NLGN4Y: variants seen among roughly 807,000 people sequenced by gnomAD.
The protein encoded by NLGN4Y is neuroligin-4, Y-linked.
Under a neutral mutation model 8.4 loss-of-function variants are expected in NLGN4Y, and 4 were observed. The ratio of observed to expected loss-of-function variants is 0.48; its 90% CI spans 0.23 to 1.09. The LOEUF is 1.09. Ranked by LOEUF, NLGN4Y falls within the 50% of genes least tolerant of loss-of-function variation. The pLI is 0.19. For synonymous variants in NLGN4Y, 35 were observed against 75.6 expected, an observed-to-expected ratio of 0.46 and a Z score of 2.78; for missense variants, 90 against 192.3, an observed-to-expected ratio of 0.47 and a Z score of 3.15.
chrY:14,546,883 T>G, intron 1 of NLGN4Y, among the ~76,000 whole-genome samples: 1 of 33,701 alleles, frequency 3.0e-5, no homozygotes, highest in Non-Finnish European at 7.3e-5. Context: ...TTCCAGTTTT[T>G]GCCCATTCAG....
At chrY:14,529,718 C>T (rs920505156) in intron 1 of NLGN4Y, among the ~76,000 whole-genome samples, 1 of 32,378 alleles carries the variant, frequency 3.1e-5, no homozygotes, top group African/African-American at 1.2e-4. Context: ...AAAGTAAATG[C>T]GTGTTTTCAC....
intron 1 of NLGN4Y, among the ~76,000 whole-genome samples, chrY:14,569,620 C>A: frequency 3.0e-5 from 1 of 33,324 alleles, no homozygotes; most frequent in Non-Finnish European, 7.4e-5. Context: ...TTATTTTCCT[C>A]TAGGTATACA....
At chrY:14,627,424 C>T (rs903885181) in intron 2 of NLGN4Y, among the ~76,000 whole-genome samples, 14 of 34,084 alleles carry the variant, frequency 4.1e-4, no homozygotes, top group Admixed American at 2.8e-3. Context: ...GGCTGCAGAT[C>T]CTGAGCCCTG....
At chrY:14,786,739 T>A (rs2042968642) in intron 4 of NLGN4Y, among the ~76,000 whole-genome samples, 1 of 33,267 alleles carries the variant, frequency 3.0e-5, no homozygotes, top group South Asian at 6.8e-4. Context: ...TATACATAAA[T>A]ACATAAATAC....
At chrY:14,840,006 C>A in intron 6 of NLGN4Y, among the ~76,000 whole-genome samples, 1 of 33,181 alleles carries the variant, frequency 3.0e-5, no homozygotes, top group Admixed American at 2.7e-4. Context: ...TGTCTCCAGA[C>A]CTTCCCAAAT....
intron 2 of NLGN4Y, among the ~76,000 whole-genome samples, chrY:14,686,501 A>T: frequency 6.0e-5 from 2 of 33,059 alleles, no homozygotes; most frequent in Admixed American, 2.8e-4. Flanking sequence ...TTTTATATGT[A>T]CAGTTGAGGG....
At chrY:14,627,055 C>G (rs2080530675) in intron 2 of NLGN4Y, among the ~76,000 whole-genome samples, 1 of 30,913 alleles carries the variant, frequency 3.2e-5, no homozygotes, top group Non-Finnish European at 7.8e-5. Flanking sequence ...TATGGTGGCA[C>G]GCGCCTGTAG....
chrY:14,825,440 C>T lies in NLGN4Y; in HGVS notation c.871+1067C>T. Reference sequence around the variant, plus strand: ...TGTCTCTCTTCCTCTCTCTCCCTCTCCAGTTCCCCAGTTTCTTCCTCACTG... The same window carrying T: ...TGTCTCTCTTCCTCTCTCTCCCTCTTCAGTTCCCCAGTTTCTTCCTCACTG... On this transcript the variant is annotated intron_variant, in intron 5 of 6. Coordinates refer to ENST00000684976, the MANE Select transcript of NLGN4Y (RefSeq NM_001365588.1). Among the ~76,000 whole-genome samples, 3 of 30,576 alleles carry T rather than the reference C, an allele frequency of 9.8e-5. No homozygotes were observed. The South Asian group carries it at 2.5e-3, about 26-fold the overall frequency. 82.0% of individuals were successfully genotyped at this position (30,576 alleles called of 37,273 possible).
At chrY:14,627,484 G>A (rs2080532763) in intron 2 of NLGN4Y, among the ~76,000 whole-genome samples, 1 of 34,788 alleles carries the variant, frequency 2.9e-5, no homozygotes, top group South Asian at 6.0e-4. Flanking sequence ...CTCCAAGCGG[G>A]CGGGCCGGCA....
At chrY:14,576,577 G>A (rs2080300098) in intron 1 of NLGN4Y, among the ~76,000 whole-genome samples, 2 of 32,716 alleles carry the variant, frequency 6.1e-5, no homozygotes, top group African/African-American at 1.2e-4. Context: ...GCTCATGCTC[G>A]GTGTGCTGCA....
chrY:14,725,054 A>G (rs1012169470), intron 4 of NLGN4Y, among the ~76,000 whole-genome samples: 3 of 33,770 alleles, frequency 8.9e-5, no homozygotes, highest in Non-Finnish European at 2.2e-4. Context: ...GTCTTCAAAT[A>G]GATCACATTC....
intron 1 of NLGN4Y, among the ~76,000 whole-genome samples, chrY:14,525,875 G>GA (rs2080091468): frequency 3.1e-5 from 1 of 32,682 alleles, no homozygotes; most frequent in Non-Finnish European, 7.4e-5. Flanking sequence ...CAAAGAAAAG[G>GA]AAAAATAAAC....
rs773828622 is a variant in NLGN4Y at position 14,527,902 on chromosome Y, TC to T, written c.-112+3195del. On this transcript the variant is annotated intron_variant, in intron 1 of 6. Coordinates refer to ENST00000684976, the MANE Select transcript of NLGN4Y (RefSeq NM_001365588.1). ...AGTGTAGGAAACCCTTCCTCATTTT[TC>T]TTGGGGCAGAGTGGCACACATGAAT... Among the ~76,000 whole-genome samples, 10 of 33,692 alleles carry T rather than the reference TC, an allele frequency of 3.0e-4. No homozygotes were observed. The South Asian group carries it at 6.7e-3, about 23-fold the overall frequency. The allele number at this position is 33,692 out of a possible 37,273, so 90.4% of individuals were successfully genotyped here.
chrY:14,553,093 G>C, intron 1 of NLGN4Y, among the ~76,000 whole-genome samples: 4 of 33,219 alleles, frequency 1.2e-4, no homozygotes, highest in Non-Finnish European at 3.0e-4. Flanking sequence ...TCAAAATCAA[G>C]CTAGAAAAAT....
At chrY:14,805,961 C>T (rs935882903) in intron 4 of NLGN4Y, among the ~76,000 whole-genome samples, 2 of 33,343 alleles carry the variant, frequency 6.0e-5, no homozygotes, top group East Asian at 8.0e-4. Context: ...GGTGAAACCC[C>T]GTCTTTACTA....
intron 3 of NLGN4Y, 129 bp downstream of exon 3, chrY:14,719,647 A>G (rs2080928095): frequency 1.1e-5 from 1 of 93,438 alleles, no homozygotes; most frequent in Non-Finnish European, 1.9e-5. Context: ...GTGCTTCTTT[A>G]TTTTCTTCTT....
At chrY:14,773,241 G>A in intron 4 of NLGN4Y, among the ~76,000 whole-genome samples, 3 of 33,454 alleles carry the variant, frequency 9.0e-5, no homozygotes, top group African/African-American at 3.5e-4. Flanking sequence ...CAAAATCAAT[G>A]TGCAAAAAAT....
At chrY:14,548,508 A>G in intron 1 of NLGN4Y, among the ~76,000 whole-genome samples, 4 of 34,004 alleles carry the variant, frequency 1.2e-4, no homozygotes, top group African/African-American at 4.6e-4. Context: ...CAAAAACAAT[A>G]AAACTTTCTT....
chrY:14,802,997 A>G, intron 4 of NLGN4Y, among the ~76,000 whole-genome samples: 2 of 22,712 alleles, frequency 8.8e-5, no homozygotes, highest in Admixed American at 1.1e-3. Context: ...TATAGAATAC[A>G]TTATATACTA....
Sources: allele counts gnomAD v4.1 joint callset (sites outside exome capture counted in the v4.1 genomes callset), GRCh38; gene constraint gnomAD v4.1.1; transcripts MANE v1.5; gene names NCBI Gene and HGNC (gene_info 2026-07-23, HGNC 2026-07-21).